Variants in NALF1 observed in about 807,000 individuals in gnomAD.
The protein encoded by NALF1 is family with sequence similarity 155 member A.
NALF1 carries 3 observed loss-of-function variants against 48.4 expected under a neutral mutation model. The observed-to-expected ratio is 0.06, with a 90% CI of 0.03 to 0.16. The LOEUF (loss-of-function observed/expected upper bound fraction) is 0.16, where lower values mean the gene tolerates loss of function less well. Among genes scored for constraint, NALF1 ranks in the 10% least tolerant of loss-of-function variants. NALF1 has a pLI of 1.00. For synonymous variants in NALF1, 262 were observed against 245.7 expected, an observed-to-expected ratio of 1.07 and a Z score of -0.62; for missense variants, 526 against 571.5, an observed-to-expected ratio of 0.92 and a Z score of 0.81.
chr13:107,185,700 T>C (rs551225435), intron 2 of NALF1, among the ~76,000 whole-genome samples: 18 of 152,208 alleles, frequency 1.2e-4, no homozygotes, highest in South Asian at 2.1e-4. Flanking sequence ...ACCATGTATA[T>C]ATTTATTTAT....
rs148848217 is a variant in NALF1, at chr13:107,496,216, A to G, written c.916-285461T>C. Among the ~76,000 whole-genome samples the G allele has an allele frequency of 8.8e-4, 134 of 152,310 alleles. 3 individuals carry two copies. In the East Asian group the frequency reaches 0.023, roughly 26 times the overall value. On this transcript the variant is annotated intron_variant, in intron 1 of 2. Transcript: ENST00000375915. ...AAAGAGCAATTTGAGATACCATCCC[A>G]TGTGTTTTGAAATGTTAAAAATATC...
At chr13:107,566,336 C>T (rs965348126) in intron 1 of NALF1, among the ~76,000 whole-genome samples, 2 of 152,168 alleles carry the variant, frequency 1.3e-5, no homozygotes, top group African/African-American at 4.8e-5. Context: ...TAAATAGCTA[C>T]CATAACAGAG....
At chr13:107,583,156 T>A (rs1025819818) in intron 1 of NALF1, among the ~76,000 whole-genome samples, 14 of 152,162 alleles carry the variant, frequency 9.2e-5, no homozygotes, top group Non-Finnish European at 1.9e-4. Context: ...ATAAAGATTC[T>A]GAATTTGATA....
chr13:107,604,386 C>G (rs1879010186), intron 1 of NALF1, among the ~76,000 whole-genome samples: 1 of 152,010 alleles, frequency 6.6e-6, no homozygotes, highest in Non-Finnish European at 1.5e-5. Context: ...AAACTATTTT[C>G]TCATTTGTAT....
Position 107,521,149 on chromosome 13 carries a change from C to T in NALF1, c.916-310394G>A, listed in dbSNP as rs151058349. Among the ~76,000 whole-genome samples the T allele has an allele frequency of 3.5e-4, 54 of 152,186 alleles. 1 individual carries two copies. In the East Asian group the frequency reaches 9.3e-3, roughly 26 times the overall value. Reference sequence around the variant, plus strand: ...ATAAAATGCCTGCATCTTTAAACTGCGATGTGATACTGGCTCTAATATAAA... The same window carrying T: ...ATAAAATGCCTGCATCTTTAAACTGTGATGTGATACTGGCTCTAATATAAA... On this transcript the variant is annotated intron_variant, in intron 1 of 2. Coordinates refer to ENST00000375915, the MANE Select transcript of NALF1 (RefSeq NM_001080396.3).
chr13:107,302,606 A>C lies in NALF1; in HGVS notation c.916-91851T>G, dbSNP rs531165218. ...AATATCAGTTTAGCATCTAGCAAAG[A>C]GAATGAGATCTGGTGAAGACCTCAA... On this transcript the variant is annotated intron_variant, in intron 1 of 2. Coordinates refer to ENST00000375915, the MANE Select transcript of NALF1 (RefSeq NM_001080396.3). Among the ~76,000 whole-genome samples the C allele has an allele frequency of 7.0e-4, 107 of 152,348 alleles. 1 individual carries two copies. Among genetic ancestry groups the C allele is most frequent in the Non-Finnish European group, 1.3e-4 (9 of 68,032 alleles).
rs61150648 is a variant in NALF1 at position 107,237,089 on chromosome 13, GTT to G, written c.916-26336_916-26335del. 1.4e-3 allele frequency among the ~76,000 whole-genome samples: 196 copies of G among 145,102 alleles called. 1 individual carries two copies. The highest frequency in any genetic ancestry group is 1.7e-3 in the African/African-American group (66 of 39,434). On this transcript the variant is annotated intron_variant, in intron 1 of 2. Transcript: ENST00000375915. ...AGATACCAAGGGAAAACTGTATGTG[GTT>G]TTTTTTTTTTTTTTCTGTTTTTGAT...
At chr13:107,189,294 C>T (rs1879235772) in intron 2 of NALF1, among the ~76,000 whole-genome samples, 1 of 152,172 alleles carries the variant, frequency 6.6e-6, no homozygotes, top group Non-Finnish European at 1.5e-5. Context: ...CAAAATATCA[C>T]ATTTCACATT....
chr13:107,717,882 T>C (rs1300668708), intron 1 of NALF1, among the ~76,000 whole-genome samples: 1 of 152,152 alleles, frequency 6.6e-6, no homozygotes, highest in Non-Finnish European at 1.5e-5. Context: ...CAACTTTTCT[T>C]TTTTCTTCGC....
At chr13:107,304,944 CT>C (rs200305073) in intron 1 of NALF1, among the ~76,000 whole-genome samples, 2,273 of 152,300 alleles carry the variant, frequency 0.015, 64 homozygotes, top group African/African-American at 0.052. Context: ...TTATTGGAGT[CT>C]TTTTCTGAAT....
At chr13:107,387,063 T>C (rs956803366) in intron 1 of NALF1, among the ~76,000 whole-genome samples, 3 of 152,124 alleles carry the variant, frequency 2.0e-5, no homozygotes, top group African/African-American at 7.2e-5. Context: ...AAAACTTCAG[T>C]AGCTGCTTCA....
At position 107,168,416 on chromosome 13, in the gene NALF1, C is replaced by A. The variant is rs773742991; in HGVS notation, c.*2081G>T. On this transcript the variant is annotated 3_prime_UTR_variant, in exon 3 of 3. Transcript: ENST00000375915. Reference sequence around the variant, plus strand: ...CTCAGCTTGTGTCCCCAGAAAAGCACCATGTTTCCATACACTAAAATATGA... The same window carrying A: ...CTCAGCTTGTGTCCCCAGAAAAGCAACATGTTTCCATACACTAAAATATGA... 1 of 152,240 alleles carries A rather than the reference C, an allele frequency of 6.6e-6. No individual in the cohort carries two copies. Among genetic ancestry groups the A allele is most frequent in the Non-Finnish European group, 1.5e-5 (1 of 68,034 alleles). 9.4% of individuals were successfully genotyped at this position (152,240 alleles called of 1,614,324 possible).
At chr13:107,282,277 T>C (rs1881403525) in intron 1 of NALF1, among the ~76,000 whole-genome samples, 1 of 152,200 alleles carries the variant, frequency 6.6e-6, no homozygotes, top group African/African-American at 2.4e-5. Flanking sequence ...GCGTGAATAA[T>C]AGCAGTGATA....
At chr13:107,386,294 C>T (rs1409897956) in intron 1 of NALF1, among the ~76,000 whole-genome samples, 2 of 152,150 alleles carry the variant, frequency 1.3e-5, no homozygotes, top group Non-Finnish European at 2.9e-5. Context: ...GCAACCCCAC[C>T]CCCTCTTGGT....
At chr13:107,448,894 C>T (rs1373437871) in intron 1 of NALF1, among the ~76,000 whole-genome samples, 1 of 152,156 alleles carries the variant, frequency 6.6e-6, no homozygotes, top group African/African-American at 2.4e-5. Context: ...TGCTAGCAGT[C>T]CTCCCTCTGC....
At chr13:107,750,445 T>G (rs1876906319) in intron 1 of NALF1, among the ~76,000 whole-genome samples, 2 of 152,188 alleles carry the variant, frequency 1.3e-5, no homozygotes, top group South Asian at 4.1e-4. Context: ...ATATTACAAT[T>G]TTCCTGAAAT....
chr13:107,670,949 T>C (rs961897174), intron 1 of NALF1, among the ~76,000 whole-genome samples: 2 of 152,136 alleles, frequency 1.3e-5, no homozygotes, highest in Admixed American at 6.6e-5. Flanking sequence ...AGTTCTCTTA[T>C]GGACAATACA....
chr13:107,566,612 A>T (rs1334082285), intron 1 of NALF1, among the ~76,000 whole-genome samples: 2 of 152,246 alleles, frequency 1.3e-5, no homozygotes, highest in African/African-American at 4.8e-5. Flanking sequence ...CGGTAACACC[A>T]GATTCACGTT....
At chr13:107,289,308 C>T (rs779176363) in intron 1 of NALF1, among the ~76,000 whole-genome samples, 31 of 152,182 alleles carry the variant, frequency 2.0e-4, no homozygotes, top group Non-Finnish European at 1.0e-4. Context: ...TATTTACCCA[C>T]TAAAATATAT....
Sources: allele counts gnomAD v4.1 joint callset (sites outside exome capture counted in the v4.1 genomes callset), GRCh38; gene constraint gnomAD v4.1.1; transcripts MANE v1.5; gene names NCBI Gene and HGNC (gene_info 2026-07-23, HGNC 2026-07-21).